SPAG16: variants seen among roughly 807,000 people sequenced by gnomAD.
The protein encoded by SPAG16 is sperm associated antigen 16, also known as sperm-associated antigen 16 protein.
In SPAG16, 86 loss-of-function variants were observed where a neutral mutation model predicts 80.4. That is an observed-to-expected ratio of 1.07 (90% CI 0.90 to 1.28). The LOEUF is 1.28. Ranked by LOEUF, SPAG16 falls within the 50% of genes most tolerant of loss-of-function variation. The pLI is 0.00. For missense variants in SPAG16, 870 were observed against 765.3 expected (o/e 1.14, Z -1.61); for synonymous variants, 294 against 265.9 (o/e 1.11, Z -1.03).
At chr2:213,714,251 T>C (rs1015516481) in intron 10 of SPAG16, among the ~76,000 whole-genome samples, 5 of 152,222 alleles carry the variant, frequency 3.3e-5, no homozygotes, top group Admixed American at 3.3e-4. Flanking sequence ...TGGAATATTT[T>C]TAGTGTACTC....
At chr2:213,665,910 C>A (rs975009925) in intron 10 of SPAG16, among the ~76,000 whole-genome samples, 7 of 152,002 alleles carry the variant, frequency 4.6e-5, no homozygotes, top group Non-Finnish European at 8.8e-5. Flanking sequence ...CAGCAGAAAG[C>A]AAAATGATGC....
chr2:213,970,469 T>C (rs945552786), intron 12 of SPAG16, among the ~76,000 whole-genome samples: 4 of 152,048 alleles, frequency 2.6e-5, no homozygotes, highest in African/African-American at 9.7e-5. Flanking sequence ...ACCTGGCTAA[T>C]TTTTGTATGT....
At chr2:214,012,278 A>ATTTTTTTT (rs1559689715) in intron 12 of SPAG16, among the ~76,000 whole-genome samples, 3 of 45,082 alleles carry the variant, frequency 6.7e-5, no homozygotes, top group African/African-American at 2.1e-4. Context: ...ATATATATAT[A>ATTTTTTTT]TATATATATA....
Position 213,342,329 on chromosome 2 carries a change from GTA to G in SPAG16, c.644+2069_644+2070del, listed in dbSNP as rs751375879. 7.4e-3 allele frequency among the ~76,000 whole-genome samples: 465 copies of G among 63,070 alleles called. 2 individuals are homozygous for G. The highest frequency in any genetic ancestry group is 0.037 in the African/African-American group (426 of 11,566). The allele number at this position is 63,070 out of a possible 152,430, so 41.4% of individuals were successfully genotyped here. On this transcript the variant is annotated intron_variant, in intron 6 of 15. Transcript: ENST00000331683. ...GTGTATATATATGTTACATATATGT[GTA>G]TATATATATTACATATATGTATATA...
chr2:213,617,625 G>A (rs1432163251), intron 10 of SPAG16, among the ~76,000 whole-genome samples: 1 of 152,126 alleles, frequency 6.6e-6, no homozygotes, highest in African/African-American at 2.4e-5. Context: ...ACAGGCGTGA[G>A]CCACTATGCC....
At chr2:213,856,995 C>G (rs1471851542) in intron 10 of SPAG16, among the ~76,000 whole-genome samples, 1 of 152,080 alleles carries the variant, frequency 6.6e-6, no homozygotes, top group African/African-American at 2.4e-5. Context: ...TTTGGGAGGC[C>G]AAGGAGGATG....
intron 15 of SPAG16, among the ~76,000 whole-genome samples, chr2:214,383,953 C>G (rs187789728): frequency 1.0e-3 from 158 of 152,234 alleles, no homozygotes; most frequent in African/African-American, 3.7e-3. Context: ...AACAACTTTG[C>G]CCATCAGCCT....
intron 9 of SPAG16, among the ~76,000 whole-genome samples, chr2:213,401,695 T>C (rs1300286637): frequency 1.3e-5 from 2 of 152,204 alleles, no homozygotes; most frequent in Admixed American, 6.5e-5. Context: ...TCTGGTGATT[T>C]TGTCCACTTA....
intron 10 of SPAG16, among the ~76,000 whole-genome samples, chr2:213,493,439 A>C (rs939607568): frequency 6.6e-6 from 1 of 152,230 alleles, no homozygotes; most frequent in Non-Finnish European, 1.5e-5. Flanking sequence ...CCAAAGAACC[A>C]GACAGATTTT....
chr2:213,656,432 T>G lies in SPAG16; in HGVS notation c.1070+166342T>G, dbSNP rs976492110. ...CCTCGGCCTCCCAAAGTGCTGGGAT[T>G]ACAGGCGTGAGCCACCGCACCCGGC... On this transcript the variant is annotated intron_variant, in intron 10 of 15. Coordinates refer to ENST00000331683, the MANE Select transcript of SPAG16 (RefSeq NM_024532.5). Among the ~76,000 whole-genome samples the G allele has an allele frequency of 2.0e-5, 3 of 152,222 alleles. No individual in the cohort carries two copies. In the East Asian group the frequency reaches 5.8e-4, roughly 29 times the overall value.
At chr2:213,416,200 T>C (rs2069243758) in intron 9 of SPAG16, among the ~76,000 whole-genome samples, 3 of 152,200 alleles carry the variant, frequency 2.0e-5, no homozygotes, top group Admixed American at 2.0e-4. Flanking sequence ...GGAGTCTGAA[T>C]AGATCATACT....
intron 13 of SPAG16, among the ~76,000 whole-genome samples, chr2:214,102,151 A>T (rs1391791246): frequency 7.2e-6 from 1 of 138,852 alleles, no homozygotes; most frequent in East Asian, 2.1e-4. Flanking sequence ...TATAATCTCC[A>T]TGTAAGTGTG....
At chr2:213,496,848 A>G (rs936249033) in intron 10 of SPAG16, among the ~76,000 whole-genome samples, 1 of 151,420 alleles carries the variant, frequency 6.6e-6, no homozygotes, top group African/African-American at 2.4e-5. Context: ...GAAAATAATT[A>G]TAGATATGTA....
chr2:213,787,621 A>G (rs1429590396), intron 10 of SPAG16, among the ~76,000 whole-genome samples: 2 of 152,108 alleles, frequency 1.3e-5, no homozygotes, highest in Non-Finnish European at 2.9e-5. Flanking sequence ...AAATTACATT[A>G]TAGGATAAAA....
chr2:213,981,391 G>A (rs902111520), intron 12 of SPAG16, among the ~76,000 whole-genome samples: 6 of 151,964 alleles, frequency 3.9e-5, no homozygotes, highest in Admixed American at 3.3e-4. Flanking sequence ...TCCAATGGGG[G>A]TTTTGTTTCT....
chr2:214,179,424 T>C (rs2057238498), intron 15 of SPAG16, among the ~76,000 whole-genome samples: 1 of 151,492 alleles, frequency 6.6e-6, no homozygotes, highest in African/African-American at 2.4e-5. Flanking sequence ...TGTAGTCTTG[T>C]CAGTTTAACT....
At chr2:213,434,435 A>C (rs940298911) in intron 9 of SPAG16, among the ~76,000 whole-genome samples, 2 of 152,236 alleles carry the variant, frequency 1.3e-5, no homozygotes, top group African/African-American at 4.8e-5. Flanking sequence ...TAAGACCTCA[A>C]TAGCACAAGT....
At chr2:214,162,802 T>G (rs1417806025) in intron 15 of SPAG16, among the ~76,000 whole-genome samples, 1 of 152,138 alleles carries the variant, frequency 6.6e-6, no homozygotes, top group African/African-American at 2.4e-5. Flanking sequence ...GTTTTCTATT[T>G]CTTGAGACTT....
chr2:213,937,809 T>G (rs2079047852), intron 12 of SPAG16, among the ~76,000 whole-genome samples: 1 of 152,040 alleles, frequency 6.6e-6, no homozygotes, highest in African/African-American at 2.4e-5. Flanking sequence ...TATGGCTTTG[T>G]ATGTGTGAAG....
Sources: gnomAD v4.1 joint callset for allele counts (sites outside exome capture counted in the v4.1 genomes callset) on GRCh38, gnomAD v4.1.1 for gene constraint, MANE v1.5 for transcripts, NCBI Gene and HGNC (gene_info 2026-07-23, HGNC 2026-07-21) for gene names.